ZNF138: variants seen among roughly 807,000 people sequenced by gnomAD.
ZNF138 encodes the protein zinc finger protein 138 (clone pHZ-32).
In ZNF138, 33 loss-of-function variants were observed where a neutral mutation model predicts 33.0. The ratio of observed to expected loss-of-function variants is 1.00; its 90% confidence interval spans 0.76 to 1.34. The LOEUF is 1.34. Among genes scored for constraint, ZNF138 ranks in the 40% most tolerant of loss-of-function variants. The probability of loss-of-function intolerance (pLI) is 0.00; values close to 1 mark genes in which losing one functional copy is unlikely to be tolerated. For missense variants in ZNF138, 360 were observed against 370.8 expected (o/e 0.97, Z 0.24); for synonymous variants, 139 against 120.4 (o/e 1.15, Z -1.01).
At chr7:64,824,026 G>T (rs552798575) in intron 3 of ZNF138, among the ~76,000 whole-genome samples, 10 of 152,268 alleles carry the variant, frequency 6.6e-5, no homozygotes, top group African/African-American at 2.4e-4. Context: ...GTATTCTCTT[G>T]CTTTTGACTG....
At chr7:64,804,979 G>GA (rs1787459419) in intron 1 of ZNF138, among the ~76,000 whole-genome samples, 1 of 152,096 alleles carries the variant, frequency 6.6e-6, no homozygotes, top group Non-Finnish European at 1.5e-5. Flanking sequence ...AAAATTCTTT[G>GA]AGACCCTATT....
At chr7:64,795,294 C>T (rs537678746) in intron 1 of ZNF138, among the ~76,000 whole-genome samples, 27 of 152,250 alleles carry the variant, frequency 1.8e-4, no homozygotes, top group Non-Finnish European at 3.1e-4. Flanking sequence ...ACTGGAGCGA[C>T]CTCAGTCTAA....
At position 64,831,706 on chromosome 7, in the gene ZNF138, A is replaced by T. The variant is rs993063222; in HGVS notation, c.464A>T (p.Asn155Ile). ...VKVMHKFSNSNRHKIRHTENK... is the reference protein window; with the variant it reads ...VKVMHKFSNSIRHKIRHTENK... ...GTCATGCATAAATTTTCAAATTCAA[A>T]TAGACACAAGATAAGACATACTGAA... The change falls in exon 4 of 4, where the codon AAT (asparagine) becomes ATT (isoleucine). Residue 155 changes from asparagine (N) to isoleucine (I), a missense_variant. Coordinates refer to ENST00000307355, the MANE Select transcript of ZNF138 (RefSeq NM_001271639.2). The T allele has an allele frequency of 1.4e-5, 23 of 1,608,892 alleles. No individual in the cohort carries two copies. Among genetic ancestry groups the T allele is most frequent in the Non-Finnish European group, 1.9e-5 (22 of 1,178,340 alleles).
rs886688429 is a variant in ZNF138 at position 64,819,881 on chromosome 7, C to T, written c.208+4228C>T. Among the ~76,000 whole-genome samples the T allele has an allele frequency of 1.3e-4, 20 of 150,648 alleles. 1 individual carries two copies. The highest frequency in any genetic ancestry group is 2.6e-4 in the Admixed American group (4 of 15,138). ...TGAGCATGAAAGTTTGAGACCAGCC[C>T]GGGAAACATGGAGATTCAACTACAA... On this transcript the variant is annotated intron_variant, in intron 3 of 3. Transcript: ENST00000307355.
the ZNF138 span, among the ~76,000 whole-genome samples, chr7:64,854,411 T>C: frequency 8.5e-5 from 13 of 152,198 alleles, no homozygotes; most frequent in Admixed American, 7.9e-4. Flanking sequence ...TGGCTAACTT[T>C]TGTATTTTTA....
At chr7:64,845,304 A>G in the ZNF138 span, among the ~76,000 whole-genome samples, 1 of 152,202 alleles carries the variant, frequency 6.6e-6, no homozygotes, top group Non-Finnish European at 1.5e-5. Flanking sequence ...TCATATATAT[A>G]CTACAGTTTA....
At chr7:64,843,782 C>T in the ZNF138 span, among the ~76,000 whole-genome samples, 1 of 151,866 alleles carries the variant, frequency 6.6e-6, no homozygotes, top group African/African-American at 2.4e-5. Flanking sequence ...TCTGACTTAC[C>T]TATTTCTCTT....
At chr7:64,845,621 G>A in the ZNF138 span, among the ~76,000 whole-genome samples, 6 of 152,158 alleles carry the variant, frequency 3.9e-5, no homozygotes, top group Admixed American at 3.3e-4. Flanking sequence ...GGCAATTCTT[G>A]TGGGAGTAAG....
the ZNF138 span, among the ~76,000 whole-genome samples, chr7:64,842,355 C>A: frequency 2.0e-5 from 3 of 152,166 alleles, no homozygotes; most frequent in African/African-American, 7.2e-5. Context: ...AGCCACTGTG[C>A]CCTGCTGAAT....
At position 64,832,048 on chromosome 7, in the gene ZNF138, A is replaced by T. The variant is rs779913483; in HGVS notation, c.806A>T (p.His269Leu). 6.2e-7 allele frequency: 1 copy of T among 1,613,986 alleles called. No homozygotes were observed. Among genetic ancestry groups the T allele is most frequent in the African/African-American group, 1.3e-5 (1 of 75,056 alleles). Residue 269 changes from histidine (H) to leucine (L), a missense_variant, in exon 4 of 4, where the codon CAT (histidine) becomes CTT (leucine). His to Leu is a moderately conservative substitution (Grantham distance 99). Coordinates refer to ENST00000307355, the MANE Select transcript of ZNF138 (RefSeq NM_001271639.2). The stretch of plus-strand genomic sequence containing the variant: ...AAACAGTCCTCACACCTTACTAGAC[A>T]TAAGATAATTCATACTGAAGAGAAA... The part of the protein sequence containing the change: ...AFKQSSHLTR[H>L]KIIHTEEKPY...
chr7:64,837,220 T>C (rs1583914786), downstream of ZNF138, among the ~76,000 whole-genome samples: 1 of 152,096 alleles, frequency 6.6e-6, no homozygotes, highest in Non-Finnish European at 1.5e-5. Context: ...ATGGGAAATA[T>C]GGTACCAGGA....
Position 64,814,408 on chromosome 7 carries a change from C to A in ZNF138, c.4-510C>A, listed in dbSNP as rs568094821. Among the ~76,000 whole-genome samples the A allele has an allele frequency of 5.9e-5, 9 of 152,264 alleles. No homozygotes were observed. In the South Asian group the frequency reaches 6.2e-4, roughly 11 times the overall value. On this transcript the variant is annotated intron_variant, in intron 1 of 3. Coordinates refer to ENST00000307355, the MANE Select transcript of ZNF138 (RefSeq NM_001271639.2). ...GAAGAGTACCATGTGTATGCTGATTCTGTGGATCTTATGCCACTTTCTTTT... is the reference window on the plus strand; with the variant it reads ...GAAGAGTACCATGTGTATGCTGATTATGTGGATCTTATGCCACTTTCTTTT...
chr7:64,837,096 G>A (rs188437521), downstream of ZNF138, among the ~76,000 whole-genome samples: 30 of 152,298 alleles, frequency 2.0e-4, no homozygotes, highest in African/African-American at 6.7e-4. Context: ...ATAAATTGTT[G>A]GAGCCTGTCA....
chr7:64,806,079 T>C (rs1787572123), intron 1 of ZNF138, among the ~76,000 whole-genome samples: 1 of 152,210 alleles, frequency 6.6e-6, no homozygotes, highest in Non-Finnish European at 1.5e-5. Context: ...TGGAGAACTC[T>C]TTTCTTTTAA....
the ZNF138 span, chr7:64,853,207 G>A: frequency 1.2e-6 from 2 of 1,601,214 alleles, no homozygotes; most frequent in Non-Finnish European, 1.7e-6. Flanking sequence ...TCATCTTCTT[G>A]GAAGTGGTTC....
intron 1 of ZNF138, 23 bp downstream of exon 1, chr7:64,794,594 C>T: frequency 6.2e-7 from 1 of 1,613,434 alleles, no homozygotes; most frequent in Non-Finnish European, 8.5e-7. Context: ...GGTCCGACAT[C>T]CCGAGAGAGG....
intron 1 of ZNF138, among the ~76,000 whole-genome samples, chr7:64,802,141 A>G (rs1787183354): frequency 6.6e-6 from 1 of 152,174 alleles, no homozygotes; most frequent in Admixed American, 6.5e-5. Flanking sequence ...AGGCAGAACA[A>G]CTCAAAGTGG....
intron 1 of ZNF138, among the ~76,000 whole-genome samples, chr7:64,807,215 CTG>C (rs1325216625): frequency 1.3e-5 from 2 of 152,198 alleles, no homozygotes; most frequent in Non-Finnish European, 2.9e-5. Context: ...GCTCTGAAGG[CTG>C]TGAGACCCCT....
the ZNF138 span, among the ~76,000 whole-genome samples, chr7:64,844,822 G>A: frequency 6.6e-6 from 1 of 152,162 alleles, no homozygotes; most frequent in Non-Finnish European, 1.5e-5. Context: ...GAGTAGCTGA[G>A]ATTACAGGTG....
Sources: allele counts gnomAD v4.1 joint callset (sites outside exome capture counted in the v4.1 genomes callset), GRCh38; gene constraint gnomAD v4.1.1; transcripts MANE v1.5; gene names NCBI Gene and HGNC (gene_info 2026-07-23, HGNC 2026-07-21).